Variants in RTF2 observed in about 807,000 individuals in gnomAD.
RTF2 encodes replication termination factor 2.
RTF2 carries 18 observed loss-of-function variants against 38.0 expected under a neutral mutation model. The ratio of observed to expected loss-of-function variants is 0.47; its 90% CI spans 0.33 to 0.70. The LOEUF is 0.70. RTF2 is among the 30% of genes least tolerant of loss of function. RTF2 has a pLI of 0.02. For missense variants in RTF2, 311 were observed against 379.6 expected (o/e 0.82, Z 1.50); for synonymous variants, 126 against 137.1 (o/e 0.92, Z 0.57).
chr20:56,483,985 A>AT, intron 4 of RTF2, 126 bp from the exon 5 acceptor site: 3 of 659,404 alleles, frequency 4.5e-6, no homozygotes, highest in South Asian at 5.0e-5. Context: ...GAACGTACTG[A>AT]TTTTTTTAAT....
chr20:56,500,555 C>T (rs1983862719), intron 5 of RTF2, among the ~76,000 whole-genome samples: 1 of 152,166 alleles, frequency 6.6e-6, no homozygotes, highest in Non-Finnish European at 1.5e-5. Context: ...GGAAAATACC[C>T]AGGCTAAGAG....
At chr20:56,496,728 G>A in intron 5 of RTF2, 1 of 1,552,026 alleles carries the variant, frequency 6.4e-7, no homozygotes, top group African/African-American at 1.4e-5. Flanking sequence ...ATGGATGTCA[G>A]TCAGTATGAA....
At chr20:56,505,852 C>T (rs1247697235) in intron 5 of RTF2, among the ~76,000 whole-genome samples, 1 of 152,048 alleles carries the variant, frequency 6.6e-6, no homozygotes, top group Non-Finnish European at 1.5e-5. Context: ...TTGACTAAAA[C>T]ATTTAAAAAA....
chr20:56,493,651 T>C (rs1045890599), intron 5 of RTF2, among the ~76,000 whole-genome samples: 32 of 124,374 alleles, frequency 2.6e-4, no homozygotes, highest in African/African-American at 9.3e-4. Context: ...AGCGAGACCC[T>C]GTCTCAAAAA....
chr20:56,513,369 G>T lies in RTF2; in HGVS notation c.532G>T (p.Asp178Tyr), dbSNP rs1032074045. Reference sequence around the variant, plus strand: ...CATCATGCTCAATGGCACCAAGGAGGATGTGGACGTGCTGAAGACAAGGAT... The same window carrying T: ...CATCATGCTCAATGGCACCAAGGAGTATGTGGACGTGCTGAAGACAAGGAT... ...DVIMLNGTKE[D>Y]VDVLKTRMEE... The change falls in exon 6 of 9, where the codon GAT becomes TAT. Residue 178 changes from aspartate to tyrosine, a missense_variant. Physicochemically the swap from Asp to Tyr is radical, Grantham distance 160. Coordinates refer to ENST00000357348, the MANE Select transcript of RTF2 (RefSeq NM_016407.5). 6.2e-7 allele frequency: 1 copy of T among 1,609,434 alleles called. No individual in the cohort carries two copies. The highest frequency in any genetic ancestry group is 8.5e-7 in the Non-Finnish European group (1 of 1,178,244).
chr20:56,503,411 A>G (rs1462052483), intron 5 of RTF2, among the ~76,000 whole-genome samples: 1 of 152,276 alleles, frequency 6.6e-6, no homozygotes, highest in Non-Finnish European at 1.5e-5. Flanking sequence ...TCTAGTTTAC[A>G]AAATGAGAGC....
intron 5 of RTF2, among the ~76,000 whole-genome samples, chr20:56,506,342 C>G (rs903251767): frequency 6.6e-6 from 1 of 152,180 alleles, no homozygotes; most frequent in Non-Finnish European, 1.5e-5. Context: ...GAAACAAAAA[C>G]AGGATTCCGT....
intron 5 of RTF2, among the ~76,000 whole-genome samples, chr20:56,502,513 A>C (rs1983986673): frequency 1.3e-5 from 2 of 152,164 alleles, no homozygotes; most frequent in Non-Finnish European, 2.9e-5. Flanking sequence ...TTAGGATGGG[A>C]TTTCATTTGT....
intron 4 of RTF2, among the ~76,000 whole-genome samples, chr20:56,481,359 G>A (rs969053791): frequency 5.9e-5 from 9 of 152,318 alleles, no homozygotes; most frequent in African/African-American, 2.2e-4. Flanking sequence ...GACTGTGCGA[G>A]GGGAACTAAC....
At chr20:56,491,683 G>GTAACCC in intron 5 of RTF2, 1 of 1,552,278 alleles carries the variant, frequency 6.4e-7, no homozygotes, top group Non-Finnish European at 8.7e-7. Context: ...CCACAAGCGG[G>GTAACCC]TCTGTCGAGG....
chr20:56,494,418 T>G (rs1366341484), intron 5 of RTF2, among the ~76,000 whole-genome samples: 1 of 152,172 alleles, frequency 6.6e-6, no homozygotes, highest in Non-Finnish European at 1.5e-5. Context: ...CCTGAGGGGC[T>G]CCTGTTTTCA....
intron 5 of RTF2, chr20:56,497,459 A>C (rs750191781): frequency 1.3e-6 from 2 of 1,524,612 alleles, no homozygotes; most frequent in Non-Finnish European, 1.8e-6. Context: ...AACACAGTTC[A>C]TCTGGGTAAA....
intron 5 of RTF2, among the ~76,000 whole-genome samples, chr20:56,511,692 C>G (rs1984680132): frequency 6.6e-6 from 1 of 152,132 alleles, no homozygotes; most frequent in East Asian, 1.9e-4. Context: ...CCTCTACCCA[C>G]AAGATGCCAA....
At chr20:56,507,480 C>T (rs1479832044) in intron 5 of RTF2, among the ~76,000 whole-genome samples, 1 of 152,192 alleles carries the variant, frequency 6.6e-6, no homozygotes, top group African/African-American at 2.4e-5. Context: ...AGCAAGATTA[C>T]TCAATTTCTA....
intron 5 of RTF2, among the ~76,000 whole-genome samples, chr20:56,512,875 C>T: frequency 6.6e-6 from 1 of 152,094 alleles, no homozygotes; most frequent in Non-Finnish European, 1.5e-5. Flanking sequence ...TGTTTTTGCC[C>T]AGGGAAGCAA....
intron 5 of RTF2, chr20:56,496,602 G>C (rs1356567914): frequency 1.4e-6 from 2 of 1,458,428 alleles, no homozygotes; most frequent in Non-Finnish European, 1.8e-6. Flanking sequence ...TGTTGCTGCT[G>C]ACTGCACAGG....
chr20:56,489,582 G>A (rs865978217), intron 5 of RTF2, among the ~76,000 whole-genome samples: 2 of 152,084 alleles, frequency 1.3e-5, no homozygotes, highest in Non-Finnish European at 2.9e-5. Context: ...CCTGTGCCTC[G>A]ATTTTCTCAT....
At chr20:56,489,891 T>C (rs1983009113) in intron 5 of RTF2, among the ~76,000 whole-genome samples, 1 of 152,280 alleles carries the variant, frequency 6.6e-6, no homozygotes, top group South Asian at 2.1e-4. Flanking sequence ...CCTGTCAGCA[T>C]GTAGCCAGCT....
At chr20:56,487,725 T>C (rs867536045) in intron 5 of RTF2, among the ~76,000 whole-genome samples, 2 of 152,200 alleles carry the variant, frequency 1.3e-5, no homozygotes, top group African/African-American at 4.8e-5. Context: ...GTCTTATAGT[T>C]CTGGAGACTA....
Sources: gnomAD v4.1 joint callset for allele counts (sites outside exome capture counted in the v4.1 genomes callset) on GRCh38, gnomAD v4.1.1 for gene constraint, MANE v1.5 for transcripts, NCBI Gene and HGNC (gene_info 2026-07-23, HGNC 2026-07-21) for gene names.